The following ADAM19 variants were observed in gnomAD, a reference collection of about 807,000 sequenced individuals.
The protein encoded by ADAM19 is disintegrin and metalloproteinase domain-containing protein 19.
Under a neutral mutation model 114.7 loss-of-function variants are expected in ADAM19, and 65 were observed. The observed-to-expected ratio is 0.57, with a 90% CI of 0.46 to 0.70. The LOEUF (loss-of-function observed/expected upper bound fraction) is 0.70. Ranked by LOEUF, ADAM19 falls within the 30% of genes least tolerant of loss-of-function variation. The pLI is 0.00. For synonymous variants in ADAM19, 466 were observed against 460.5 expected (o/e 1.01, Z -0.15); for missense variants, 1,063 against 1,204.7 (o/e 0.88, Z 1.74).
intron 3 of ADAM19, among the ~76,000 whole-genome samples, chr5:157,543,608 C>T (rs1756974711): frequency 6.6e-6 from 1 of 152,132 alleles, no homozygotes; most frequent in African/African-American, 2.4e-5. Flanking sequence ...TTCTCCAGCA[C>T]TAGCTATATA....
chr5:157,557,282 G>A (rs762479955), intron 3 of ADAM19, among the ~76,000 whole-genome samples: 5 of 152,184 alleles, frequency 3.3e-5, no homozygotes, highest in African/African-American at 4.8e-5. Context: ...CCACCCAACC[G>A]GAAGTGTCAG....
chr5:157,570,815 G>A, intron 2 of ADAM19, 80 bp downstream of exon 2: 1 of 1,232,080 alleles, frequency 8.1e-7, no homozygotes, highest in Non-Finnish European at 1.2e-6. Context: ...TGATGACTGG[G>A]ATTCTAAGAA....
At chr5:157,536,611 G>A (rs1189184183) in intron 4 of ADAM19, among the ~76,000 whole-genome samples, 1 of 151,820 alleles carries the variant, frequency 6.6e-6, no homozygotes, top group African/African-American at 2.4e-5. Context: ...CTAGGTTACA[G>A]AGTGAAACTC....
At chr5:157,565,916 C>T (rs535840995) in intron 2 of ADAM19, 2 of 152,080 alleles carry the variant, frequency 1.3e-5, no homozygotes, top group African/African-American at 4.8e-5. Context: ...CAAAACCAGC[C>T]TGACCAACAT....
rs115785093 is a variant in ADAM19, at chr5:157,538,292, T to C, written c.252-301A>G. Among the ~76,000 whole-genome samples, 752 of 152,292 alleles carry C rather than the reference T, an allele frequency of 4.9e-3. 5 individuals carry two copies. The highest frequency in any genetic ancestry group is 0.017 in the African/African-American group (724 of 41,564). On this transcript the variant is annotated intron_variant, in intron 3 of 22. Coordinates refer to ENST00000257527, the MANE Select transcript of ADAM19 (RefSeq NM_033274.5). ...TGTCTGGGTCCTGGGAAAACAGACA[T>C]GCAAACACATGCAAAATTTCCCGGG...
At chr5:157,552,010 G>A (rs536791838) in intron 3 of ADAM19, among the ~76,000 whole-genome samples, 45 of 152,100 alleles carry the variant, frequency 3.0e-4, no homozygotes, top group Non-Finnish European at 6.0e-4. Context: ...AATTAACCAG[G>A]TGTGGTGGCG....
In ADAM19 at chr5:157,490,345, G is replaced by A. The variant is rs556782905; in HGVS notation, c.2205C>T (p.Pro735=). Residue 735 remains proline, a synonymous_variant, in exon 19 of 23, where the codon CCC becomes CCT. Coordinates refer to ENST00000257527, the MANE Select transcript of ADAM19 (RefSeq NM_033274.5). ...RQNNKLGQLK[P]SALPSKLRQQ... is the part of the protein sequence containing the mutation. ...GCCTCAGCTTGGAAGGGAGAGCTGAGGGCTTGAGTTGGCCTAGTTTGTTGT... is the reference window on the plus strand; with the variant it reads ...GCCTCAGCTTGGAAGGGAGAGCTGAAGGCTTGAGTTGGCCTAGTTTGTTGT... 11 of 1,614,082 alleles carry A rather than the reference G, an allele frequency of 6.8e-6. No individual in the cohort carries two copies. In the South Asian group the frequency reaches 1.2e-4, roughly 18 times the overall value.
At chr5:157,534,196 G>A (rs1375908412) in intron 4 of ADAM19, among the ~76,000 whole-genome samples, 1 of 152,084 alleles carries the variant, frequency 6.6e-6, no homozygotes, top group Non-Finnish European at 1.5e-5. Context: ...GGTCGGGTGG[G>A]GTGGCTCACA....
chr5:157,481,963 C>G lies in ADAM19; in HGVS notation c.2551-20G>C. 6.4e-7 allele frequency: 1 copy of G among 1,560,968 alleles called. No individual in the cohort carries two copies. Among genetic ancestry groups the G allele is most frequent in the South Asian group, 1.2e-5 (1 of 82,512 alleles). On this transcript the variant is annotated intron_variant, in intron 21 of 22. Transcript: ENST00000257527. Reference sequence around the variant, plus strand: ...GAAGTCCTGGAGAGAAAGCAATAAGCCTCACTTGAAGGCCAGAGGCCTGTT... The same window carrying G: ...GAAGTCCTGGAGAGAAAGCAATAAGGCTCACTTGAAGGCCAGAGGCCTGTT...
At chr5:157,518,976 A>T in intron 6 of ADAM19, 88 bp from the exon 7 acceptor site, 3 of 1,057,362 alleles carry the variant, frequency 2.8e-6, no homozygotes, top group Non-Finnish European at 4.4e-6. Flanking sequence ...CTGCTGGATA[A>T]GCAGCAGCTA....
At chr5:157,482,116 G>C (rs555161265) in intron 21 of ADAM19, among the ~76,000 whole-genome samples, 173 bp from the exon 22 acceptor site, 7 of 152,240 alleles carry the variant, frequency 4.6e-5, no homozygotes, top group South Asian at 2.1e-4. Flanking sequence ...AGTCAGGAGA[G>C]CAAGCTGGCA....
chr5:157,495,686 T>A (rs1208132377), intron 14 of ADAM19, among the ~76,000 whole-genome samples: 1 of 152,186 alleles, frequency 6.6e-6, no homozygotes, highest in South Asian at 2.1e-4. Context: ...CAGGCTGGAA[T>A]GCAGTGGCAC....
chr5:157,526,173 T>TAC (rs35119605), intron 5 of ADAM19, among the ~76,000 whole-genome samples: 11,484 of 109,136 alleles, frequency 0.11, 487 homozygotes, highest in Middle Eastern at 0.29. Flanking sequence ...TATATATATA[T>TAC]ACACACACAC....
intron 7 of ADAM19, among the ~76,000 whole-genome samples, chr5:157,518,293 C>T (rs1756152035): frequency 9.1e-6 from 1 of 110,458 alleles, no homozygotes; most frequent in South Asian, 3.2e-4. Flanking sequence ...CCAGGAGAGG[C>T]TTAGCTGTGT....
Position 157,570,814 on chromosome 5 carries a change from G to A in ADAM19, c.180+81C>T, listed in dbSNP as rs981292504. 31 of 1,222,646 alleles carry A rather than the reference G, an allele frequency of 2.5e-5. No individual in the cohort carries two copies. In the African/African-American group the frequency reaches 3.8e-4, roughly 15 times the overall value. 75.7% of individuals were successfully genotyped at this position (1,222,646 alleles called of 1,614,324 possible). A position where few individuals can be genotyped will look rare whatever the true frequency, so the allele number is the denominator to read the frequency against. ...GAAACAGAACTAATGGTGATGACTG[G>A]GATTCTAAGAAAGTTGAGTAGGTAG... On this transcript the variant is annotated intron_variant, in intron 2 of 22. Coordinates refer to ENST00000257527, the MANE Select transcript of ADAM19 (RefSeq NM_033274.5).
chr5:157,524,545 A>G (rs564496739), intron 5 of ADAM19, among the ~76,000 whole-genome samples: 2 of 152,330 alleles, frequency 1.3e-5, no homozygotes, highest in East Asian at 3.9e-4. Context: ...GACACATTCT[A>G]CATCCCTATA....
chr5:157,515,782 C>A (rs933213409), intron 7 of ADAM19, among the ~76,000 whole-genome samples: 1 of 152,194 alleles, frequency 6.6e-6, no homozygotes, highest in Non-Finnish European at 1.5e-5. Context: ...CCTTTACAGG[C>A]CTGTGTTTAC....
rs367592665 is a variant in ADAM19, at chr5:157,572,088, G to GT, written c.95-1109dup. Among the ~76,000 whole-genome samples the GT allele has an allele frequency of 1.5e-3, 224 of 149,648 alleles. 4 individuals are homozygous for GT. The highest frequency in any genetic ancestry group is 4.6e-3 in the African/African-American group (187 of 40,874). ...CTGGGAAGTAGGAAGTAGGAGTCCT[G>GT]TTTTTTTTTTCTTTTGAGACGGAGT... On this transcript the variant is annotated intron_variant, in intron 1 of 22. Coordinates refer to ENST00000257527, the MANE Select transcript of ADAM19 (RefSeq NM_033274.5).
chr5:157,520,777 G>C (rs149634622), intron 5 of ADAM19, among the ~76,000 whole-genome samples: 3,123 of 152,282 alleles, frequency 0.021, 55 homozygotes, highest in Middle Eastern at 0.041. Flanking sequence ...TTGGTGAAGT[G>C]ACATCCACCA....
Sources: allele counts gnomAD v4.1 joint callset (sites outside exome capture counted in the v4.1 genomes callset), GRCh38; gene constraint gnomAD v4.1.1; transcripts MANE v1.5; gene names NCBI Gene and HGNC (gene_info 2026-07-23, HGNC 2026-07-21).